The following ATF6 variants were observed in gnomAD, a reference collection of about 807,000 sequenced individuals.
ATF6 encodes the protein cyclic AMP-dependent transcription factor ATF-6 alpha.
A neutral mutation model predicts 83.6 loss-of-function variants in ATF6; 53 were observed. The ratio of observed to expected loss-of-function variants is 0.63; its 90% CI spans 0.51 to 0.80. The LOEUF (loss-of-function observed/expected upper bound fraction) is 0.80, where lower values mean the gene tolerates loss of function less well. ATF6 is among the 30% of genes least tolerant of loss of function. ATF6 has a pLI of 0.00. For synonymous variants in ATF6, 288 were observed against 285.8 expected, an observed-to-expected ratio of 1.01 and a Z score of -0.08; for missense variants, 744 against 797.9, an observed-to-expected ratio of 0.93 and a Z score of 0.81.
chr1:161,839,419 G>A (rs776556834), intron 9 of ATF6, among the ~76,000 whole-genome samples: 2 of 152,080 alleles, frequency 1.3e-5, no homozygotes, highest in Non-Finnish European at 2.9e-5. Flanking sequence ...CTGAAGTACA[G>A]CAATGCAATC....
At chr1:161,850,096 G>C (rs1377577423) in intron 10 of ATF6, among the ~76,000 whole-genome samples, 1 of 152,158 alleles carries the variant, frequency 6.6e-6, no homozygotes, top group Non-Finnish European at 1.5e-5. Context: ...CAGTGTCTCA[G>C]CTTCCCCTTT....
At chr1:161,802,708 C>T (rs923108324) in intron 7 of ATF6, among the ~76,000 whole-genome samples, 3 of 152,106 alleles carry the variant, frequency 2.0e-5, no homozygotes, top group Admixed American at 1.3e-4. Context: ...TCTTCCTTGC[C>T]GTTTTGAAGT....
intron 9 of ATF6, among the ~76,000 whole-genome samples, chr1:161,831,956 AAG>A (rs1686074560): frequency 6.6e-6 from 1 of 150,876 alleles, no homozygotes; most frequent in Non-Finnish European, 1.5e-5. Flanking sequence ...AAAAAAAAAA[AAG>A]AAAGAAAAAT....
At chr1:161,957,941 C>G (rs547488836) in intron 15 of ATF6, among the ~76,000 whole-genome samples, 6 of 152,296 alleles carry the variant, frequency 3.9e-5, no homozygotes, top group African/African-American at 1.2e-4. Flanking sequence ...TTAATGAAGT[C>G]AGAAATATTA....
chr1:161,887,131 G>A (rs895052321), intron 14 of ATF6, among the ~76,000 whole-genome samples: 3 of 151,890 alleles, frequency 2.0e-5, no homozygotes, highest in African/African-American at 4.8e-5. Context: ...GAGTGCAGTG[G>A]TGCGATCTCA....
chr1:161,849,376 A>G (rs1049768975), intron 10 of ATF6, among the ~76,000 whole-genome samples: 6 of 152,140 alleles, frequency 3.9e-5, no homozygotes. Context: ...AATGTTCTAT[A>G]TATCCTCTGC....
chr1:161,840,896 G>A (rs1034795335), intron 9 of ATF6, among the ~76,000 whole-genome samples: 1 of 152,054 alleles, frequency 6.6e-6, no homozygotes. Flanking sequence ...AATATTTGTA[G>A]CTTGTTTTAA....
At chr1:161,814,194 A>G (rs1685550744) in intron 7 of ATF6, among the ~76,000 whole-genome samples, 1 of 152,134 alleles carries the variant, frequency 6.6e-6, no homozygotes, top group South Asian at 2.1e-4. Flanking sequence ...TCCATCAAGT[A>G]TTTCTGAAGA....
intron 14 of ATF6, among the ~76,000 whole-genome samples, chr1:161,905,605 A>G (rs1687864077): frequency 2.0e-5 from 3 of 152,224 alleles, no homozygotes; most frequent in Non-Finnish European, 4.4e-5. Context: ...CCAAATGGTT[A>G]AACTCTTTAT....
intron 15 of ATF6, among the ~76,000 whole-genome samples, chr1:161,922,638 A>G (rs1688234512): frequency 6.6e-6 from 1 of 151,914 alleles, no homozygotes; most frequent in African/African-American, 2.4e-5. Context: ...TTAAACCAAG[A>G]TCTGAAGGAT....
At chr1:161,943,674 C>CT (rs1688695956) in intron 15 of ATF6, among the ~76,000 whole-genome samples, 1 of 152,152 alleles carries the variant, frequency 6.6e-6, no homozygotes, top group Non-Finnish European at 1.5e-5. Flanking sequence ...TCTCCCCAGA[C>CT]ACCTGCTTGA....
chr1:161,932,287 G>A, intron 15 of ATF6, among the ~76,000 whole-genome samples: 1 of 152,028 alleles, frequency 6.6e-6, no homozygotes, highest in East Asian at 1.9e-4. Flanking sequence ...TTATTTTACA[G>A]CCTCATTTTC....
intron 15 of ATF6, among the ~76,000 whole-genome samples, chr1:161,947,480 C>G (rs1032579617): frequency 1.3e-5 from 2 of 152,164 alleles, no homozygotes; most frequent in African/African-American, 2.4e-5. Flanking sequence ...CCCATTTGAG[C>G]AGGGGGCTTA....
chr1:161,768,482 A>G (rs1684318156), intron 1 of ATF6, among the ~76,000 whole-genome samples: 1 of 152,210 alleles, frequency 6.6e-6, no homozygotes, highest in Non-Finnish European at 1.5e-5. Context: ...GTGAAACACT[A>G]CTGTCTGATA....
chr1:161,792,034 G>T, intron 5 of ATF6, 90 bp from the exon 6 acceptor site: 8 of 1,048,838 alleles, frequency 7.6e-6, no homozygotes, highest in Non-Finnish European at 1.0e-5. Context: ...TTAAGATAAT[G>T]TGTAGAGAAA....
At chr1:161,926,099 C>T (rs186897761) in intron 15 of ATF6, among the ~76,000 whole-genome samples, 3 of 152,204 alleles carry the variant, frequency 2.0e-5, no homozygotes, top group Admixed American at 2.0e-4. Flanking sequence ...GAGGCACAAA[C>T]AGAGTTACAT....
At chr1:161,805,254 A>T (rs547704183) in intron 7 of ATF6, among the ~76,000 whole-genome samples, 1 of 152,202 alleles carries the variant, frequency 6.6e-6, no homozygotes, top group South Asian at 2.1e-4. Flanking sequence ...ATATTTCATT[A>T]AAAATACTTT....
intron 1 of ATF6, among the ~76,000 whole-genome samples, chr1:161,773,198 C>T (rs1399904691): frequency 1.3e-5 from 2 of 148,852 alleles, no homozygotes; most frequent in African/African-American, 5.0e-5. Flanking sequence ...TGCAGTGGCT[C>T]ACTCGGCTCA....
At chr1:161,922,710 G>T (rs1688235600) in intron 15 of ATF6, among the ~76,000 whole-genome samples, 1 of 151,860 alleles carries the variant, frequency 6.6e-6, no homozygotes, top group Non-Finnish European at 1.5e-5. Flanking sequence ...AGCAACAAGA[G>T]AGCAGAGGCC....
Sources: gnomAD v4.1 joint callset for allele counts (sites outside exome capture counted in the v4.1 genomes callset) on GRCh38, gnomAD v4.1.1 for gene constraint, MANE v1.5 for transcripts, NCBI Gene and HGNC (gene_info 2026-07-23, HGNC 2026-07-21) for gene names.